Variants in CTNNA3 observed in about 807,000 individuals in gnomAD.
CTNNA3 encodes catenin alpha 3.
CTNNA3 carries 76 observed loss-of-function variants against 95.7 expected under a neutral mutation model. The observed-to-expected ratio is 0.79, with a 90% confidence interval of 0.66 to 0.96. The LOEUF (loss-of-function observed/expected upper bound fraction) is 0.96, where lower values mean the gene tolerates loss of function less well. Among genes scored for constraint, CTNNA3 ranks in the 40% least tolerant of loss-of-function variants. CTNNA3 has a pLI of 0.00. For synonymous variants in CTNNA3, 431 were observed against 374.4 expected (o/e 1.15, Z -1.74); for missense variants, 1,191 against 1,089.8 (o/e 1.09, Z -1.31).
intron 9 of CTNNA3, among the ~76,000 whole-genome samples, chr10:66,657,816 A>G (rs890657989): frequency 2.0e-5 from 3 of 152,310 alleles, no homozygotes; most frequent in African/African-American, 2.4e-5. Flanking sequence ...TTTGCTTCAA[A>G]TTATTACAAA....
chr10:66,356,122 G>GTTTT (rs59366031), intron 12 of CTNNA3, among the ~76,000 whole-genome samples: 6 of 117,226 alleles, frequency 5.1e-5, no homozygotes, highest in East Asian at 2.9e-4. Context: ...TGCTTGTTTT[G>GTTTT]TTTTTTTTTT....
chr10:67,703,746 A>C (rs977302996), intron 1 of CTNNA3, among the ~76,000 whole-genome samples: 1 of 152,210 alleles, frequency 6.6e-6, no homozygotes, highest in African/African-American at 2.4e-5. Flanking sequence ...CACCACTGCT[A>C]TTCAACATAG....
chr10:66,802,928 T>A (rs962429408), intron 7 of CTNNA3, among the ~76,000 whole-genome samples: 2 of 151,992 alleles, frequency 1.3e-5, no homozygotes, highest in African/African-American at 4.8e-5. Flanking sequence ...TTCAAAGAAA[T>A]CTGAACCTTG....
chr10:67,624,753 CCAGT>C (rs1389919792), intron 2 of CTNNA3, among the ~76,000 whole-genome samples: 3 of 152,144 alleles, frequency 2.0e-5, no homozygotes. Flanking sequence ...GAAATTCTTA[CCAGT>C]CAGACTCCCA....
At chr10:66,790,168 G>A (rs1168723205) in intron 7 of CTNNA3, among the ~76,000 whole-genome samples, 2 of 152,100 alleles carry the variant, frequency 1.3e-5, no homozygotes, top group Admixed American at 1.3e-4. Context: ...ATTATTTCTG[G>A]CTGGGTGTGG....
chr10:66,560,117 C>G (rs1005196723), intron 10 of CTNNA3, among the ~76,000 whole-genome samples: 1 of 152,042 alleles, frequency 6.6e-6, no homozygotes, highest in Non-Finnish European at 1.5e-5. Context: ...AAAGTGTAAA[C>G]TCAACAATGA....
chr10:67,716,783 T>C (rs898722754), intron 1 of CTNNA3, among the ~76,000 whole-genome samples: 2 of 152,176 alleles, frequency 1.3e-5, no homozygotes, highest in Admixed American at 1.3e-4. Context: ...AATAAACATA[T>C]GTGTGCATGT....
chr10:67,025,388 C>T (rs115035993), intron 7 of CTNNA3, among the ~76,000 whole-genome samples: 1 of 151,586 alleles, frequency 6.6e-6, no homozygotes, highest in East Asian at 1.9e-4. Flanking sequence ...GCCACATATC[C>T]AACTTTTTAC....
chr10:66,812,926 A>C (rs1841938818), intron 7 of CTNNA3, among the ~76,000 whole-genome samples: 2 of 152,136 alleles, frequency 1.3e-5, no homozygotes, highest in African/African-American at 4.8e-5. Flanking sequence ...AATATTACAT[A>C]ACTTTTGTTT....
chr10:66,769,615 A>C (rs1840005496), intron 8 of CTNNA3, among the ~76,000 whole-genome samples: 1 of 152,018 alleles, frequency 6.6e-6, no homozygotes, highest in Non-Finnish European at 1.5e-5. Context: ...TTGTTATTCT[A>C]TCTCAGGGCC....
At chr10:67,541,536 T>C (rs753905162) in intron 3 of CTNNA3, among the ~76,000 whole-genome samples, 9 of 152,030 alleles carry the variant, frequency 5.9e-5, no homozygotes, top group African/African-American at 1.2e-4. Flanking sequence ...ATTCCCCCTC[T>C]AGTTCTGGGA....
intron 5 of CTNNA3, among the ~76,000 whole-genome samples, chr10:67,283,149 A>T (rs1187813992): frequency 6.6e-6 from 1 of 152,160 alleles, no homozygotes; most frequent in Non-Finnish European, 1.5e-5. Context: ...ATTGTTATAG[A>T]AGGTAGTTAG....
At chr10:67,045,153 TACA>T (rs1279789361) in intron 7 of CTNNA3, among the ~76,000 whole-genome samples, 6 of 152,198 alleles carry the variant, frequency 3.9e-5, no homozygotes, top group African/African-American at 1.2e-4. Context: ...TGCTGAAGCA[TACA>T]ACAAAATACA....
chr10:66,379,922 C>G lies in CTNNA3; in HGVS notation c.1532-570G>C, dbSNP rs188576605. 7.9e-3 allele frequency among the ~76,000 whole-genome samples: 1,203 copies of G among 152,188 alleles called. 23 individuals are homozygous for G. The highest frequency in any genetic ancestry group is 0.027 in the African/African-American group (1,135 of 41,504). ...TTCTTTCTTCATAAAATGATTAATA[C>G]TCCCAGCTAAAACTAATGAATGAAG... On this transcript the variant is annotated intron_variant, in intron 11 of 17. Transcript: ENST00000433211.
intron 14 of CTNNA3, among the ~76,000 whole-genome samples, chr10:66,072,388 CTTTG>C (rs1383425958): frequency 6.6e-6 from 1 of 152,090 alleles, no homozygotes; most frequent in Non-Finnish European, 1.5e-5. Flanking sequence ...ATTATCCTTA[CTTTG>C]TTTGTAACTC....
chr10:66,266,921 A>G (rs1008555841), intron 13 of CTNNA3, among the ~76,000 whole-genome samples: 1 of 152,090 alleles, frequency 6.6e-6, no homozygotes, highest in African/African-American at 2.4e-5. Context: ...AGTGAGGCAT[A>G]AATGGTATAA....
At chr10:67,118,594 G>T (rs996819680) in intron 7 of CTNNA3, among the ~76,000 whole-genome samples, 1 of 151,774 alleles carries the variant, frequency 6.6e-6, no homozygotes, top group Non-Finnish European at 1.5e-5. Context: ...TAATTATTGT[G>T]CATAGAAAGA....
At chr10:66,740,132 T>G (rs1849279441) in intron 9 of CTNNA3, among the ~76,000 whole-genome samples, 1 of 152,220 alleles carries the variant, frequency 6.6e-6, no homozygotes, top group Non-Finnish European at 1.5e-5. Flanking sequence ...CGGGGGACTT[T>G]ATTAAAAAGA....
At position 66,178,422 on chromosome 10, in the gene CTNNA3, T is replaced by TAC. The variant is rs1413596504; in HGVS notation, c.1885-75174_1885-75173insGT. ...GTGTATATATATATATATATATATA[T>TAC]ATATATATATATATATATATACACA... On this transcript the variant is annotated intron_variant, in intron 13 of 17. Coordinates refer to ENST00000433211, the MANE Select transcript of CTNNA3 (RefSeq NM_013266.4). Among the ~76,000 whole-genome samples the TAC allele has an allele frequency of 8.3e-4, 60 of 72,716 alleles. 2 individuals carry two copies. Among genetic ancestry groups the TAC allele is most frequent in the South Asian group, 1.3e-3 (2 of 1,552 alleles). The allele number at this position is 72,716 out of a possible 152,430, so 47.7% of individuals were successfully genotyped here.
Sources: allele counts gnomAD v4.1 joint callset (sites outside exome capture counted in the v4.1 genomes callset), GRCh38; gene constraint gnomAD v4.1.1; transcripts MANE v1.5; gene names NCBI Gene and HGNC (gene_info 2026-07-23, HGNC 2026-07-21).